SLC24A3: variants seen among roughly 807,000 people sequenced by gnomAD.
SLC24A3 encodes solute carrier family 24 member 3, also known as sodium/potassium/calcium exchanger 3.
A neutral mutation model predicts 75.8 loss-of-function variants in SLC24A3; 28 were observed. The ratio of observed to expected loss-of-function variants is 0.37; its 90% confidence interval spans 0.27 to 0.51. The LOEUF (loss-of-function observed/expected upper bound fraction) is 0.51. SLC24A3 is among the 20% of genes least tolerant of loss of function. The probability of loss-of-function intolerance (pLI) is 0.94; values close to 1 mark genes in which losing one functional copy is unlikely to be tolerated. For missense variants in SLC24A3, 663 were observed against 847.8 expected (o/e 0.78, Z 2.71); for synonymous variants, 372 against 334.1 (o/e 1.11, Z -1.24).
intron 1 of SLC24A3, among the ~76,000 whole-genome samples, chr20:19,253,998 C>T (rs555154603): frequency 4.0e-5 from 6 of 151,876 alleles, no homozygotes; most frequent in Non-Finnish European, 7.4e-5. Context: ...ATGAGGTAGA[C>T]GTTCCCCTCA....
At chr20:19,220,386 A>C (rs937280303) in intron 1 of SLC24A3, among the ~76,000 whole-genome samples, 13 of 152,184 alleles carry the variant, frequency 8.5e-5, no homozygotes, top group African/African-American at 3.1e-4. Flanking sequence ...ATCTCAGCAA[A>C]AGTCATTTTC....
chr20:19,705,555 A>T (rs1199605018), intron 15 of SLC24A3, among the ~76,000 whole-genome samples: 2 of 152,140 alleles, frequency 1.3e-5, no homozygotes, highest in Non-Finnish European at 2.9e-5. Flanking sequence ...GAGAGGCTTT[A>T]TTTCCAAAAC....
At chr20:19,641,651 A>G (rs2032076559) in intron 6 of SLC24A3, among the ~76,000 whole-genome samples, 1 of 152,036 alleles carries the variant, frequency 6.6e-6, no homozygotes, top group Non-Finnish European at 1.5e-5. Context: ...AGCAGGAGGG[A>G]GCAGTGGTCT....
intron 1 of SLC24A3, among the ~76,000 whole-genome samples, chr20:19,275,781 C>T (rs913296652): frequency 6.6e-5 from 10 of 152,138 alleles, no homozygotes; most frequent in Admixed American, 3.9e-4. Context: ...GCTTGGTTTC[C>T]TCCCCTTCTA....
intron 2 of SLC24A3, among the ~76,000 whole-genome samples, chr20:19,331,214 G>A (rs1984990428): frequency 6.6e-6 from 1 of 152,186 alleles, no homozygotes; most frequent in Non-Finnish European, 1.5e-5. Flanking sequence ...AAACTTACTG[G>A]AATTGATGAG....
intron 7 of SLC24A3, among the ~76,000 whole-genome samples, chr20:19,662,203 G>T (rs963395343): frequency 1.3e-5 from 2 of 152,144 alleles, no homozygotes; most frequent in Non-Finnish European, 2.9e-5. Context: ...CTGGGCTATC[G>T]CAGAGCCTGG....
At chr20:19,530,601 C>G (rs2030278977) in intron 3 of SLC24A3, among the ~76,000 whole-genome samples, 1 of 152,096 alleles carries the variant, frequency 6.6e-6, no homozygotes, top group Admixed American at 6.6e-5. Flanking sequence ...TAAGGTCCAG[C>G]CTAAAGATTC....
At chr20:19,326,867 A>T (rs11905370) in intron 2 of SLC24A3, among the ~76,000 whole-genome samples, 2 of 152,144 alleles carry the variant, frequency 1.3e-5, no homozygotes, top group African/African-American at 4.8e-5. Flanking sequence ...TTTTTAAAAT[A>T]CAGAACAAAG....
chr20:19,232,065 A>G (rs1404765895), intron 1 of SLC24A3, among the ~76,000 whole-genome samples: 1 of 152,208 alleles, frequency 6.6e-6, no homozygotes, highest in Admixed American at 6.5e-5. Context: ...CATTGTACCA[A>G]CTAAATGGAA....
At chr20:19,578,496 G>A (rs2122630386) in intron 3 of SLC24A3, among the ~76,000 whole-genome samples, 1 of 152,064 alleles carries the variant, frequency 6.6e-6, no homozygotes, top group South Asian at 2.1e-4. Context: ...GGGTGTCTCT[G>A]CCTCAGCTTC....
chr20:19,651,509 CTT>C (rs2032202621), intron 6 of SLC24A3, among the ~76,000 whole-genome samples: 1 of 151,102 alleles, frequency 6.6e-6, no homozygotes, highest in Admixed American at 6.6e-5. Flanking sequence ...TGATGTATGT[CTT>C]GTTTTGTTTA....
At chr20:19,677,675 CTTTT>C in intron 9 of SLC24A3, among the ~76,000 whole-genome samples, 1 of 95,626 alleles carries the variant, frequency 1.0e-5, no homozygotes, top group East Asian at 3.2e-4. Flanking sequence ...TTTTAGGATT[CTTTT>C]TTTTTTCTTT....
intron 2 of SLC24A3, among the ~76,000 whole-genome samples, chr20:19,462,958 T>C (rs1294985081): frequency 6.6e-6 from 1 of 152,214 alleles, no homozygotes; most frequent in East Asian, 1.9e-4. Flanking sequence ...TCTAAGTGCC[T>C]GTCCCACCCT....
intron 1 of SLC24A3, among the ~76,000 whole-genome samples, chr20:19,230,431 G>A (rs139280819): frequency 1.4e-3 from 210 of 152,238 alleles, no homozygotes; most frequent in African/African-American, 4.8e-3. Context: ...GTTCTTCCTA[G>A]TTCTTATATC....
At chr20:19,268,239 G>A (rs998903771) in intron 1 of SLC24A3, among the ~76,000 whole-genome samples, 3 of 152,040 alleles carry the variant, frequency 2.0e-5, no homozygotes, top group African/African-American at 7.3e-5. Flanking sequence ...TAAATTATGG[G>A]ATATGCTGAC....
intron 2 of SLC24A3, among the ~76,000 whole-genome samples, chr20:19,343,752 A>T (rs1052747343): frequency 2.2e-4 from 33 of 152,268 alleles, no homozygotes; most frequent in Non-Finnish European, 2.9e-4. Flanking sequence ...AGGGACTGGA[A>T]AGTGTTAGGA....
chr20:19,406,615 T>G (rs1452150432), intron 2 of SLC24A3, among the ~76,000 whole-genome samples: 1 of 152,126 alleles, frequency 6.6e-6, no homozygotes, highest in Admixed American at 6.5e-5. Flanking sequence ...TACAGAGTGA[T>G]GAATGCAGTG....
At chr20:19,683,941 G>GTGGA (rs1051569072) in intron 10 of SLC24A3, among the ~76,000 whole-genome samples, 8 of 152,208 alleles carry the variant, frequency 5.3e-5, no homozygotes, top group Admixed American at 1.3e-4. Context: ...GGAAAGAAGA[G>GTGGA]TGGATGGATG....
At position 19,685,207 on chromosome 20, in the gene SLC24A3, C is replaced by T. The variant is rs149958373; in HGVS notation, c.1170C>T (p.Ala390=). The part of the protein sequence containing the change: ...TVENGTGPSS[A]PDRGVNGTRR... ...AGAATGGGACAGGGCCCAGCAGTGC[C>T]CCAGACAGGGGCGTGAATGGGACAC... Residue 390 remains alanine, a synonymous_variant, in exon 12 of 17, where the codon GCC becomes GCT. Transcript: ENST00000328041. 1.8e-4 allele frequency: 298 copies of T among 1,613,980 alleles called. No individual in the cohort carries two copies. Among genetic ancestry groups the T allele is most frequent in the Non-Finnish European group, 2.4e-4 (286 of 1,180,026 alleles).
Sources: gnomAD v4.1 joint callset for allele counts (sites outside exome capture counted in the v4.1 genomes callset) on GRCh38, gnomAD v4.1.1 for gene constraint, MANE v1.5 for transcripts, NCBI Gene and HGNC (gene_info 2026-07-23, HGNC 2026-07-21) for gene names.